The following USH2A variants were observed in gnomAD, a reference collection of about 807,000 sequenced individuals.
USH2A encodes usherin.
USH2A carries 443 observed loss-of-function variants against 538.9 expected under a neutral mutation model. That is an observed-to-expected ratio of 0.82 (90% CI 0.76 to 0.89). The LOEUF (loss-of-function observed/expected upper bound fraction) is 0.89, where lower values mean the gene tolerates loss of function less well. Ranked by LOEUF, USH2A falls within the 40% of genes least tolerant of loss-of-function variation. The pLI is 0.00. For synonymous variants in USH2A, 2,413 were observed against 2,273.5 expected (o/e 1.06, Z -1.75); for missense variants, 6,633 against 6,324.8 (o/e 1.05, Z -1.65).
chr1:215,818,105 T>A (rs778807376), intron 47 of USH2A, among the ~76,000 whole-genome samples: 1 of 151,986 alleles, frequency 6.6e-6, no homozygotes, highest in South Asian at 2.1e-4. Flanking sequence ...ATATGCAAAC[T>A]ATGTTTTAAT....
intron 49 of USH2A, among the ~76,000 whole-genome samples, chr1:215,807,674 A>G (rs12725398): frequency 0.44 from 66,823 of 151,894 alleles, 15,292 homozygotes; most frequent in Admixed American, 0.56. Context: ...GCTTGGCCTC[A>G]TAGGATCAAC....
intron 10 of USH2A, among the ~76,000 whole-genome samples, chr1:216,290,825 G>A (rs1455851128): frequency 6.6e-6 from 1 of 152,014 alleles, no homozygotes; most frequent in Non-Finnish European, 1.5e-5. Context: ...CACCAATGTT[G>A]AGCCTACTGC....
chr1:216,285,604 C>T (rs2036866837), intron 11 of USH2A, among the ~76,000 whole-genome samples: 1 of 152,182 alleles, frequency 6.6e-6, no homozygotes, highest in East Asian at 1.9e-4. Context: ...GAGAAGGGGG[C>T]CACCATCCTC....
intron 15 of USH2A, among the ~76,000 whole-genome samples, chr1:216,207,691 C>T (rs1572051461): frequency 7.0e-6 from 1 of 143,038 alleles, no homozygotes. Context: ...CCATAGTTTA[C>T]ATTAAGCATT....
At chr1:215,633,030 T>C (rs1016848906) in intron 70 of USH2A, among the ~76,000 whole-genome samples, 2 of 152,120 alleles carry the variant, frequency 1.3e-5, no homozygotes, top group South Asian at 4.1e-4. Context: ...TACCTTCTAT[T>C]TCAGGAGTCA....
intron 61 of USH2A, among the ~76,000 whole-genome samples, chr1:215,717,964 C>A (rs1659533452): frequency 6.6e-6 from 1 of 152,206 alleles, no homozygotes; most frequent in East Asian, 1.9e-4. Context: ...AAGTACGTGG[C>A]ATCCAGAAAT....
At chr1:215,894,715 T>C (rs11587674) in intron 40 of USH2A, among the ~76,000 whole-genome samples, 22,090 of 151,982 alleles carry the variant, frequency 0.15, 1,705 homozygotes, top group Non-Finnish European at 0.15. Context: ...GGTAAAAAAA[T>C]GAGAATCACT....
chr1:215,918,538 T>G (rs1228090031), intron 38 of USH2A, among the ~76,000 whole-genome samples: 1 of 152,134 alleles, frequency 6.6e-6, no homozygotes, highest in Non-Finnish European at 1.5e-5. Context: ...TCCAGAACTG[T>G]GTGAAATACT....
chr1:216,326,728 T>C (rs908336527), intron 5 of USH2A, among the ~76,000 whole-genome samples: 2 of 152,148 alleles, frequency 1.3e-5, no homozygotes, highest in Non-Finnish European at 2.9e-5. Context: ...TGATCTGCCA[T>C]GGACTAAGAA....
intron 26 of USH2A, among the ~76,000 whole-genome samples, chr1:216,079,580 C>T (rs1417691704): frequency 6.6e-6 from 1 of 152,012 alleles, no homozygotes; most frequent in Non-Finnish European, 1.5e-5. Context: ...TAGTGTCTTG[C>T]CAGCTATGTA....
chr1:215,648,850 C>T, intron 65 of USH2A, 84 bp from the exon 66 acceptor site: 1 of 1,324,656 alleles, frequency 7.5e-7, no homozygotes, highest in Non-Finnish European at 1.1e-6. Flanking sequence ...CCACCTCCTA[C>T]AAATGGAGTA....
intron 22 of USH2A, among the ~76,000 whole-genome samples, chr1:216,093,938 A>T (rs1322309638): frequency 2.0e-5 from 3 of 152,240 alleles, no homozygotes; most frequent in Non-Finnish European, 4.4e-5. Flanking sequence ...AAGCCACTTC[A>T]TCTAAAGCAG....
intron 32 of USH2A, among the ~76,000 whole-genome samples, chr1:216,035,045 G>C (rs541391947): frequency 6.6e-6 from 1 of 152,114 alleles, no homozygotes; most frequent in Non-Finnish European, 1.5e-5. Context: ...TTTCATTACT[G>C]TCATGGGCCA....
At chr1:215,744,217 A>G (rs1660399768) in intron 58 of USH2A, among the ~76,000 whole-genome samples, 1 of 152,224 alleles carries the variant, frequency 6.6e-6, no homozygotes, top group Non-Finnish European at 1.5e-5. Context: ...TTCCCAGTGC[A>G]TTAATTATTG....
At chr1:216,104,308 C>T (rs897690580) in intron 21 of USH2A, among the ~76,000 whole-genome samples, 20 of 151,080 alleles carry the variant, frequency 1.3e-4, no homozygotes, top group African/African-American at 4.4e-4. Context: ...TGAGTGAGAA[C>T]ATGCGGTGTT....
chr1:216,283,442 A>G (rs758355031), intron 11 of USH2A, among the ~76,000 whole-genome samples: 25 of 152,184 alleles, frequency 1.6e-4, no homozygotes, highest in South Asian at 4.1e-4. Context: ...TTTTCTATCT[A>G]TAAGATAATG....
At chr1:215,686,019 G>A (rs751181753) in intron 61 of USH2A, among the ~76,000 whole-genome samples, 1 of 152,136 alleles carries the variant, frequency 6.6e-6, no homozygotes, top group Non-Finnish European at 1.5e-5. Context: ...TAGTGTGTAT[G>A]TGCTAGGCAG....
chr1:215,942,681 G>A (rs1558173647), intron 37 of USH2A, among the ~76,000 whole-genome samples: 1 of 152,134 alleles, frequency 6.6e-6, no homozygotes, highest in East Asian at 1.9e-4. Context: ...AAAAATGACC[G>A]ACATGAATTT....
intron 49 of USH2A, among the ~76,000 whole-genome samples, chr1:215,800,197 C>T (rs2102779867): frequency 6.6e-6 from 1 of 152,068 alleles, no homozygotes; most frequent in South Asian, 2.1e-4. Flanking sequence ...ATCTGAAATC[C>T]AAGCTTCATT....
Sources: allele counts gnomAD v4.1 joint callset (sites outside exome capture counted in the v4.1 genomes callset), GRCh38; gene constraint gnomAD v4.1.1; transcripts MANE v1.5; gene names NCBI Gene and HGNC (gene_info 2026-07-23, HGNC 2026-07-21).